The following PARVA variants were observed in gnomAD, a reference collection of about 807,000 sequenced individuals.
PARVA encodes the protein parvin alpha.
Under a neutral mutation model 52.6 loss-of-function variants are expected in PARVA, and 25 were observed. The observed-to-expected ratio is 0.48, with a 90% CI of 0.35 to 0.66. The LOEUF (loss-of-function observed/expected upper bound fraction) is 0.66, where lower values mean the gene tolerates loss of function less well. PARVA is among the 30% of genes least tolerant of loss of function. The pLI is 0.01. For missense variants in PARVA, 373 were observed against 450.9 expected, an observed-to-expected ratio of 0.83 and a Z score of 1.56; for synonymous variants, 185 against 179.1, an observed-to-expected ratio of 1.03 and a Z score of -0.26.
chr11:12,383,152 G>A (rs1457500119), intron 1 of PARVA, among the ~76,000 whole-genome samples: 1 of 152,288 alleles, frequency 6.6e-6, no homozygotes, highest in Admixed American at 6.5e-5. Flanking sequence ...TGTAGCTTAA[G>A]TGGCTTTTGT....
At chr11:12,435,998 A>G (rs1314513944) in intron 1 of PARVA, among the ~76,000 whole-genome samples, 2 of 151,726 alleles carry the variant, frequency 1.3e-5, no homozygotes, top group Non-Finnish European at 2.9e-5. Context: ...AATTTTTTGT[A>G]TTTTTAGTAG....
chr11:12,397,177 T>C (rs1441092112), intron 1 of PARVA, among the ~76,000 whole-genome samples: 1 of 152,226 alleles, frequency 6.6e-6, no homozygotes, highest in Non-Finnish European at 1.5e-5. Context: ...TTGATGAACA[T>C]TTAAGTTTTT....
Position 12,517,809 on chromosome 11 carries a change from T to G in PARVA, c.969+98T>G, listed in dbSNP as rs78669155. ...GGCTATCCAGAAAAAAGGCAGAAGC[T>G]TCCCCTCTGCTCAACGTCTTCAGTG... On this transcript the variant is annotated intron_variant, in intron 11 of 12. Coordinates refer to ENST00000334956, the MANE Select transcript of PARVA (RefSeq NM_018222.5). The G allele has an allele frequency of 0.011, 8,561 of 809,248 alleles. 495 individuals are homozygous for G. In the African/African-American group the frequency reaches 0.12, roughly 12 times the overall value. 50.1% of individuals were successfully genotyped at this position (809,248 alleles called of 1,614,324 possible).
intron 6 of PARVA, among the ~76,000 whole-genome samples, chr11:12,508,126 A>AAC (rs1564865908): frequency 9.0e-5 from 6 of 66,524 alleles, no homozygotes; most frequent in African/African-American, 4.6e-4. Flanking sequence ...AAAAAAACCA[A>AAC]AAAAAAAAAC....
intron 1 of PARVA, among the ~76,000 whole-genome samples, chr11:12,432,529 C>T (rs6485742): frequency 0.18 from 27,929 of 152,134 alleles, 4,663 homozygotes; most frequent in African/African-American, 0.45. Context: ...CACCTCTTGT[C>T]TTTGTGAATC....
At chr11:12,420,782 A>C (rs1559845) in intron 1 of PARVA, among the ~76,000 whole-genome samples, 61,288 of 152,008 alleles carry the variant, frequency 0.4, 14,153 homozygotes, top group South Asian at 0.58. Flanking sequence ...CATTATTCTC[A>C]ATTTATAGAT....
At chr11:12,395,255 T>TA (rs940119789) in intron 1 of PARVA, among the ~76,000 whole-genome samples, 2 of 151,958 alleles carry the variant, frequency 1.3e-5, no homozygotes, top group African/African-American at 2.4e-5. Context: ...CTGTATAATT[T>TA]AAAAAAAAAG....
intron 1 of PARVA, among the ~76,000 whole-genome samples, chr11:12,442,593 G>T (rs1261553562): frequency 6.6e-6 from 1 of 151,976 alleles, no homozygotes; most frequent in African/African-American, 2.4e-5. Context: ...AAGACAAAAA[G>T]CCCTCATTGC....
rs1941598082 is a variant in PARVA, at chr11:12,518,458, C to T, written c.983C>T (p.Ser328Phe). 1 of 1,613,632 alleles carries T rather than the reference C, an allele frequency of 6.2e-7. No individual in the cohort carries two copies. Among genetic ancestry groups the T allele is most frequent in the Non-Finnish European group, 8.5e-7 (1 of 1,179,690 alleles). The change falls in exon 12 of 13, where the codon TCC becomes TTC. Residue 328 changes from serine (S) to phenylalanine (F), a missense_variant. By Grantham distance (155) the Ser-to-Phe change is radical (BLOSUM62 -2). Transcript: ENST00000334956. ...DSFEQKVLNV[S>F]FAFELMQDGG... ...CTCTCTTGCCAGGTCTTGAATGTCT[C>T]CTTTGCCTTTGAGCTCATGCAAGAT...
At chr11:12,433,797 C>T (rs1199118559) in intron 1 of PARVA, among the ~76,000 whole-genome samples, 4 of 152,236 alleles carry the variant, frequency 2.6e-5, no homozygotes, top group Admixed American at 2.0e-4. Context: ...TGGGCCTGGG[C>T]GTGATCAGCC....
intron 4 of PARVA, among the ~76,000 whole-genome samples, chr11:12,489,954 C>T (rs542371122): frequency 7.2e-5 from 11 of 152,092 alleles, no homozygotes; most frequent in South Asian, 4.2e-4. Context: ...CAGTGGCTCA[C>T]GCCTATAATC....
At chr11:12,467,859 G>A (rs555967315) in intron 1 of PARVA, among the ~76,000 whole-genome samples, 4 of 152,230 alleles carry the variant, frequency 2.6e-5, no homozygotes, top group African/African-American at 9.6e-5. Context: ...GAGAATAGAT[G>A]AATTCAAGAC....
At chr11:12,423,357 T>G (rs1374837339) in intron 1 of PARVA, among the ~76,000 whole-genome samples, 4 of 149,990 alleles carry the variant, frequency 2.7e-5, no homozygotes, top group Admixed American at 6.6e-5. Flanking sequence ...TTTTGTTTTT[T>G]TTTTTTTTTT....
rs558570757 is a variant in PARVA, at chr11:12,380,384, C to T, written c.136+2601C>T. On this transcript the variant is annotated intron_variant, in intron 1 of 12. Coordinates refer to ENST00000334956, the MANE Select transcript of PARVA (RefSeq NM_018222.5). ...ACCTATTACAAGCTGGGGTTATGGACGAGGGGCTGCTGGACTGGAACTATA... is the reference window on the plus strand; with the variant it reads ...ACCTATTACAAGCTGGGGTTATGGATGAGGGGCTGCTGGACTGGAACTATA... Among the ~76,000 whole-genome samples the T allele has an allele frequency of 3.8e-4, 57 of 150,632 alleles. 2 individuals are homozygous for T. The highest frequency in any genetic ancestry group is 1.3e-3 in the African/African-American group (51 of 40,360).
At chr11:12,460,208 A>C (rs990195939) in intron 1 of PARVA, among the ~76,000 whole-genome samples, 2 of 152,152 alleles carry the variant, frequency 1.3e-5, no homozygotes, top group Non-Finnish European at 2.9e-5. Context: ...TAGAAAGCAA[A>C]TGTTGCTACA....
chr11:12,533,498 G>A lies in PARVA; in HGVS notation c.*5573G>A, dbSNP rs75223270. The stretch of plus-strand genomic sequence containing the variant: ...GGTCACTTAATGTTTCACAATGTTT[G>A]GTGAAACAACTTTCATATGAAAGTA... On this transcript the variant is annotated 3_prime_UTR_variant, in exon 13 of 13. Transcript: ENST00000334956. 8.7e-3 allele frequency among the ~76,000 whole-genome samples: 1,329 copies of A among 152,214 alleles called. 27 individuals are homozygous for A. Among genetic ancestry groups the A allele is most frequent in the African/African-American group, 0.03 (1,239 of 41,508 alleles).
chr11:12,392,488 C>G (rs1202773357), intron 1 of PARVA, among the ~76,000 whole-genome samples: 2 of 152,098 alleles, frequency 1.3e-5, no homozygotes, highest in African/African-American at 2.4e-5. Flanking sequence ...AGGCTCGTCT[C>G]GAACTCTTGA....
At chr11:12,526,051 A>G (rs1001612151) in intron 12 of PARVA, among the ~76,000 whole-genome samples, 3 of 152,144 alleles carry the variant, frequency 2.0e-5, no homozygotes, top group Non-Finnish European at 4.4e-5. Context: ...AACGGACTTT[A>G]GAGACTGAGA....
chr11:12,493,355 CAA>C (rs11286221), intron 4 of PARVA, among the ~76,000 whole-genome samples: 288 of 130,524 alleles, frequency 2.2e-3, no homozygotes, highest in Middle Eastern at 7.6e-3. Flanking sequence ...GACTCCATCT[CAA>C]AAAAAAAAAA....
Sources: gnomAD v4.1 joint callset for allele counts (sites outside exome capture counted in the v4.1 genomes callset) on GRCh38, gnomAD v4.1.1 for gene constraint, MANE v1.5 for transcripts, NCBI Gene and HGNC (gene_info 2026-07-23, HGNC 2026-07-21) for gene names.